TMEM272: variants seen among roughly 807,000 people sequenced by gnomAD.
TMEM272 encodes transmembrane protein 272.
A neutral mutation model predicts 3.7 loss-of-function variants in TMEM272; 8 were observed. The ratio of observed to expected loss-of-function variants is 2.17; its 90% CI spans 1.27 to 3.91. TMEM272 has a LOEUF of 3.91. Ranked by LOEUF, TMEM272 falls within the 30% of genes most tolerant of loss-of-function variation. The pLI is 0.00. For missense variants in TMEM272, 166 were observed against 91.5 expected (o/e 1.81, Z -3.32); for synonymous variants, 63 against 39.8 (o/e 1.58, Z -2.20).
the TMEM272 span, among the ~76,000 whole-genome samples, chr13:51,870,855 T>C: frequency 6.6e-6 from 1 of 152,116 alleles, no homozygotes; most frequent in Admixed American, 6.5e-5. Flanking sequence ...TCTTAGATTC[T>C]CTCCCCTACA....
At chr13:51,880,976 G>C in the TMEM272 span, among the ~76,000 whole-genome samples, 1 of 152,194 alleles carries the variant, frequency 6.6e-6, no homozygotes, top group Non-Finnish European at 1.5e-5. Context: ...TTCCAGCCAA[G>C]GTCCTGGAGA....
intron 1 of TMEM272, among the ~76,000 whole-genome samples, chr13:51,842,396 A>T (rs548851440): frequency 5.9e-5 from 9 of 152,358 alleles, no homozygotes; most frequent in East Asian, 1.9e-4. Flanking sequence ...AGAGATTTTT[A>T]AAAAGTAGCA....
chr13:51,901,617 A>G, the TMEM272 span, among the ~76,000 whole-genome samples: 1 of 152,134 alleles, frequency 6.6e-6, no homozygotes, highest in African/African-American at 2.4e-5. Context: ...ACACATCTTC[A>G]GTGTCTCTAT....
At chr13:51,910,081 T>C in the TMEM272 span, 17 of 1,136,100 alleles carry the variant, frequency 1.5e-5, no homozygotes, top group African/African-American at 3.0e-5. Context: ...TTGAGGGATT[T>C]TGACTCATCT....
chr13:51,886,955 T>C, the TMEM272 span, among the ~76,000 whole-genome samples: 1 of 152,188 alleles, frequency 6.6e-6, no homozygotes, highest in Non-Finnish European at 1.5e-5. Context: ...ATCTTTACCT[T>C]ACCGTGCTCA....
At chr13:51,859,355 A>G in the TMEM272 span, among the ~76,000 whole-genome samples, 1 of 152,034 alleles carries the variant, frequency 6.6e-6, no homozygotes, top group Non-Finnish European at 1.5e-5. Context: ...GACTGTGCAC[A>G]TGGCTGAGAA....
At chr13:51,843,861 A>G (rs1956281719) in intron 1 of TMEM272, among the ~76,000 whole-genome samples, 1 of 152,234 alleles carries the variant, frequency 6.6e-6, no homozygotes, top group Non-Finnish European at 1.5e-5. Flanking sequence ...AATAATTGCC[A>G]AATGATATGC....
At chr13:51,912,203 CCT>C in the TMEM272 span, among the ~76,000 whole-genome samples, 2 of 152,112 alleles carry the variant, frequency 1.3e-5, no homozygotes, top group Non-Finnish European at 2.9e-5. Flanking sequence ...GGTGGTTTTC[CCT>C]GTTTTTCCAG....
the TMEM272 span, among the ~76,000 whole-genome samples, chr13:51,898,826 G>A: frequency 2.0e-5 from 3 of 151,836 alleles, no homozygotes; most frequent in African/African-American, 7.3e-5. Context: ...CTGTGCCACC[G>A]GCAACCTGTT....
chr13:51,869,358 A>G, the TMEM272 span, among the ~76,000 whole-genome samples: 1 of 152,206 alleles, frequency 6.6e-6, no homozygotes, highest in African/African-American at 2.4e-5. Context: ...ACGTCGTGCT[A>G]TCAAGAATTA....
intron 2 of TMEM272, among the ~76,000 whole-genome samples, chr13:51,831,517 C>T (rs960393152): frequency 2.0e-5 from 3 of 152,196 alleles, no homozygotes; most frequent in Non-Finnish European, 4.4e-5. Context: ...GCTGTCTGCT[C>T]AGCATGGTGT....
chr13:51,865,413 T>C, the TMEM272 span: 1 of 1,607,148 alleles, frequency 6.2e-7, no homozygotes, highest in Non-Finnish European at 8.5e-7. Context: ...ATAAGGAAGA[T>C]GTTTTCCTTC....
chr13:51,838,330 T>A (rs1307383859), intron 2 of TMEM272, 143 bp downstream of exon 2: 8 of 663,588 alleles, frequency 1.2e-5, no homozygotes, highest in Non-Finnish European at 1.9e-5. Flanking sequence ...GGCCGGACAC[T>A]GTCTTCCCCA....
At chr13:51,845,211 TC>T (rs1956295320), upstream of TMEM272, 1 of 152,188 alleles carries the variant, frequency 6.6e-6, no homozygotes, top group African/African-American at 2.4e-5. Flanking sequence ...TCTCTCCATT[TC>T]CCACTCCCAC....
chr13:51,859,558 T>G, the TMEM272 span, among the ~76,000 whole-genome samples: 1 of 124,860 alleles, frequency 8.0e-6, no homozygotes, highest in Admixed American at 7.7e-5. Flanking sequence ...AGACACCCCC[T>G]CAGCAAAGGA....
At chr13:51,901,594 C>A in the TMEM272 span, among the ~76,000 whole-genome samples, 1 of 152,158 alleles carries the variant, frequency 6.6e-6, no homozygotes, top group African/African-American at 2.4e-5. Flanking sequence ...TAACTACCCC[C>A]GGAGAAGCCT....
At chr13:51,909,546 C>T in the TMEM272 span, 582 of 1,072,644 alleles carry the variant, frequency 5.4e-4, 1 homozygote, top group African/African-American at 3.9e-3. Context: ...ATGCTTGTTC[C>T]GTCTGAAGAT....
At chr13:51,891,029 C>CT in the TMEM272 span, among the ~76,000 whole-genome samples, 1 of 152,070 alleles carries the variant, frequency 6.6e-6, no homozygotes, top group Non-Finnish European at 1.5e-5. Context: ...GTGGTAACAT[C>CT]TTTTTTAGGA....
At chr13:51,916,637 C>T in the TMEM272 span, among the ~76,000 whole-genome samples, 1 of 152,230 alleles carries the variant, frequency 6.6e-6, no homozygotes, top group African/African-American at 2.4e-5. Flanking sequence ...GTTTGCATCC[C>T]AGGTAGGGCC....
Sources: allele counts gnomAD v4.1 joint callset (sites outside exome capture counted in the v4.1 genomes callset), GRCh38; gene constraint gnomAD v4.1.1; transcripts MANE v1.5; gene names NCBI Gene and HGNC (gene_info 2026-07-23, HGNC 2026-07-21).